Variants in TENM4 observed in about 807,000 individuals in gnomAD.
TENM4 encodes the protein teneurin transmembrane protein 4.
In TENM4, 82 loss-of-function variants were observed where a neutral mutation model predicts 243.3. That is an observed-to-expected ratio of 0.34 (90% CI 0.28 to 0.40). The LOEUF (loss-of-function observed/expected upper bound fraction) is 0.40, where lower values mean the gene tolerates loss of function less well. Among genes scored for constraint, TENM4 ranks in the 10% least tolerant of loss-of-function variants. TENM4 has a pLI of 1.00. For missense variants in TENM4, 3,138 were observed against 3,673.3 expected (o/e 0.85, Z 3.77); for synonymous variants, 1,412 against 1,456.3 (o/e 0.97, Z 0.69).
At chr11:78,888,403 G>T (rs540395616) in intron 9 of TENM4, among the ~76,000 whole-genome samples, 8 of 152,294 alleles carry the variant, frequency 5.3e-5, no homozygotes, top group African/African-American at 1.7e-4. Context: ...ATTCAGAAGG[G>T]GAAAAGAGAC....
intron 6 of TENM4, among the ~76,000 whole-genome samples, chr11:79,033,887 A>T (rs1356591783): frequency 6.6e-6 from 1 of 152,218 alleles, no homozygotes; most frequent in East Asian, 1.9e-4. Flanking sequence ...TAATGAACTG[A>T]CTTTCGTGTT....
chr11:79,090,451 G>A (rs1860918238), intron 4 of TENM4, among the ~76,000 whole-genome samples: 1 of 152,240 alleles, frequency 6.6e-6, no homozygotes, highest in Non-Finnish European at 1.5e-5. Flanking sequence ...GCTGCCTATG[G>A]CAGCAAGTGA....
In TENM4 at chr11:78,787,230, G is replaced by A. The variant is rs1591023890; in HGVS notation, c.2180-147C>T. On this transcript the variant is annotated intron_variant, in intron 15 of 33. Coordinates refer to ENST00000278550, the MANE Select transcript of TENM4 (RefSeq NM_001098816.3). The stretch of plus-strand genomic sequence containing the variant: ...AAAGTCACACTTGGCTACATACCTG[G>A]GCTTCTGTGACAGATCAGGATTCCA... 8 of 942,730 alleles carry A rather than the reference G, an allele frequency of 8.5e-6. No individual in the cohort carries two copies. The East Asian group carries it at 2.1e-4, about 25-fold the overall frequency. The allele number at this position is 942,730 out of a possible 1,614,324, so 58.4% of individuals were successfully genotyped here. A position where few individuals can be genotyped will look rare whatever the true frequency, so the allele number is the denominator to read the frequency against.
intron 6 of TENM4, among the ~76,000 whole-genome samples, chr11:78,924,096 C>T (rs1856505573): frequency 1.3e-5 from 2 of 152,180 alleles, no homozygotes; most frequent in South Asian, 2.1e-4. Context: ...CTCAGGTGAT[C>T]CACCTGCCTT....
intron 14 of TENM4, among the ~76,000 whole-genome samples, chr11:78,808,995 C>T (rs1020690548): frequency 2.0e-5 from 3 of 152,138 alleles, no homozygotes; most frequent in African/African-American, 7.2e-5. Context: ...AAAGGTATTT[C>T]CTTTTCTGTA....
In TENM4 at chr11:78,805,223, G is replaced by A. The variant is rs916741012; in HGVS notation, c.2179+69C>T. On this transcript the variant is annotated intron_variant, in intron 15 of 33. Transcript: ENST00000278550. ...TTGCTACGTGATTGGGAACAGTCAC[G>A]TGATTGGTGACCATGTCACAGTGGA... 10 of 663,824 alleles carry A rather than the reference G, an allele frequency of 1.5e-5. 1 individual carries two copies. The Middle Eastern group carries it at 1.5e-3, about 100-fold the overall frequency. The allele number at this position is 663,824 out of a possible 1,614,324, so 41.1% of individuals were successfully genotyped here.
chr11:78,669,223 A>C lies in TENM4; in HGVS notation c.7122T>G (p.Gly2374=), dbSNP rs1858245662. Residue 2374 remains glycine, a synonymous_variant, in exon 32 of 34, where the codon GGT becomes GGG. Coordinates refer to ENST00000278550, the MANE Select transcript of TENM4 (RefSeq NM_001098816.3). The surrounding 1 kb of genome is among the most constrained non-coding windows in gnomAD (Gnocchi z 6.4). ...TGTACAGGATTTGCTTGATCATCAA[A>C]CCTGTTCCACTAAAGACAGCAAGAG... is the stretch of plus-strand genomic sequence containing the variant. The part of the protein sequence containing the change: ...GTPLAVFSGT[G]LMIKQILYTA... 8 of 1,613,752 alleles carry C rather than the reference A, an allele frequency of 5.0e-6. No individual in the cohort carries two copies. The highest frequency in any genetic ancestry group is 6.8e-6 in the Non-Finnish European group (8 of 1,179,864).
chr11:79,268,192 T>A (rs1855911882), intron 2 of TENM4, among the ~76,000 whole-genome samples: 1 of 152,204 alleles, frequency 6.6e-6, no homozygotes, highest in Admixed American at 6.5e-5. Flanking sequence ...AACAAACTTT[T>A]CCCTAAAGGG....
At chr11:78,864,717 A>G (rs1858920897) in intron 9 of TENM4, among the ~76,000 whole-genome samples, 1 of 152,254 alleles carries the variant, frequency 6.6e-6, no homozygotes, top group Non-Finnish European at 1.5e-5. Flanking sequence ...CACACATGGA[A>G]GTAAGCGCTC....
At chr11:79,121,592 G>C (rs971092322) in intron 4 of TENM4, among the ~76,000 whole-genome samples, 7 of 152,170 alleles carry the variant, frequency 4.6e-5, no homozygotes, top group African/African-American at 2.4e-5. Context: ...TCTCACAGTT[G>C]CACAGCCAGG....
intron 4 of TENM4, among the ~76,000 whole-genome samples, chr11:79,105,142 C>T (rs566902876): frequency 2.7e-4 from 41 of 152,234 alleles, no homozygotes; most frequent in African/African-American, 8.7e-4. Context: ...AATTTCAGTT[C>T]GAAAGGGTGA....
At chr11:79,205,909 C>T (rs565626370) in intron 3 of TENM4, among the ~76,000 whole-genome samples, 3 of 152,330 alleles carry the variant, frequency 2.0e-5, no homozygotes, top group Admixed American at 6.5e-5. Context: ...ATGCAGCCAC[C>T]GTGCTGAGAA....
intron 6 of TENM4, among the ~76,000 whole-genome samples, chr11:78,924,276 T>C (rs889610059): frequency 6.6e-6 from 1 of 152,204 alleles, no homozygotes; most frequent in Non-Finnish European, 1.5e-5. Context: ...GGCCTGAGTA[T>C]GGCAGAGCAA....
intron 1 of TENM4, among the ~76,000 whole-genome samples, chr11:79,384,909 G>C (rs1181363383): frequency 3.6e-5 from 2 of 55,278 alleles, no homozygotes; most frequent in Non-Finnish European, 7.9e-5. Context: ...CTGGGCAACA[G>C]AGCAAGACTC....
chr11:78,864,523 C>A (rs1390645807), intron 9 of TENM4, among the ~76,000 whole-genome samples: 1 of 149,964 alleles, frequency 6.7e-6, no homozygotes, highest in Non-Finnish European at 1.5e-5. Context: ...AGAAAGAGAC[C>A]ATAAGGCGCA....
chr11:79,351,544 A>G (rs879600954), intron 1 of TENM4, among the ~76,000 whole-genome samples: 1 of 152,032 alleles, frequency 6.6e-6, no homozygotes, highest in African/African-American at 2.4e-5. Context: ...CATCTCTACT[A>G]AAAATACAAA....
intron 1 of TENM4, among the ~76,000 whole-genome samples, chr11:79,396,993 G>T (rs1858359006): frequency 6.6e-6 from 1 of 152,202 alleles, no homozygotes. Context: ...CCTGAGCACT[G>T]TGTCAAGGGG....
chr11:78,960,406 A>G (rs1275675695), intron 6 of TENM4, among the ~76,000 whole-genome samples: 1 of 152,214 alleles, frequency 6.6e-6, no homozygotes. Context: ...AAAGGAGGGT[A>G]GGTAATGACC....
At chr11:78,745,632 G>A (rs894577846) in intron 19 of TENM4, among the ~76,000 whole-genome samples, 48 of 152,208 alleles carry the variant, frequency 3.2e-4, no homozygotes, top group African/African-American at 1.0e-3. Flanking sequence ...GGAACAAATC[G>A]GTGAGAATCC....
Sources: allele counts gnomAD v4.1 joint callset (sites outside exome capture counted in the v4.1 genomes callset), GRCh38; gene constraint gnomAD v4.1.1; non-coding constraint Gnocchi (gnomAD v3.1); transcripts MANE v1.5; gene names NCBI Gene and HGNC (gene_info 2026-07-23, HGNC 2026-07-21).